TNNI3K: variants seen among roughly 807,000 people sequenced by gnomAD.
TNNI3K encodes the protein TNNI3 interacting kinase, also known as serine/threonine-protein kinase TNNI3K.
Under a neutral mutation model 114.5 loss-of-function variants are expected in TNNI3K, and 140 were observed. That is an observed-to-expected ratio of 1.22 (90% CI 1.07 to 1.41). The LOEUF is 1.41. Ranked by LOEUF, TNNI3K falls within the 40% of genes most tolerant of loss-of-function variation. The pLI is 0.00. For missense variants in TNNI3K, 1,125 were observed against 1,007.6 expected, an observed-to-expected ratio of 1.12 and a Z score of -1.58; for synonymous variants, 347 against 347.5, an observed-to-expected ratio of 1.00 and a Z score of 0.02.
chr1:74,317,575 G>A (rs960302739), intron 5 of TNNI3K, among the ~76,000 whole-genome samples: 1 of 152,190 alleles, frequency 6.6e-6, no homozygotes, highest in Non-Finnish European at 1.5e-5. Context: ...CAGGAACTGA[G>A]TTAGGGAATA....
At chr1:74,247,525 A>G (rs1403170882) in intron 2 of TNNI3K, among the ~76,000 whole-genome samples, 1 of 152,096 alleles carries the variant, frequency 6.6e-6, no homozygotes, top group African/African-American at 2.4e-5. Flanking sequence ...TTATTCCCTT[A>G]TTTGGCCCCA....
At chr1:74,279,103 C>G (rs936815730) in intron 5 of TNNI3K, among the ~76,000 whole-genome samples, 7 of 152,172 alleles carry the variant, frequency 4.6e-5, no homozygotes, top group African/African-American at 1.7e-4. Context: ...AACTACACTT[C>G]TAGTCACAAA....
chr1:74,370,531 G>A, intron 17 of TNNI3K, 139 bp downstream of exon 17: 1 of 577,860 alleles, frequency 1.7e-6, no homozygotes. Flanking sequence ...ATAAGCTTAG[G>A]CGATAGAAAG....
chr1:74,360,667 C>T (rs940677384), intron 11 of TNNI3K, among the ~76,000 whole-genome samples: 3 of 152,014 alleles, frequency 2.0e-5, no homozygotes, highest in African/African-American at 7.2e-5. Context: ...CCATGTCACC[C>T]CATTCTTTAA....
intron 20 of TNNI3K, among the ~76,000 whole-genome samples, chr1:74,440,002 G>A (rs1385277924): frequency 1.5e-4 from 23 of 151,986 alleles, no homozygotes. Context: ...GGATAAGAAA[G>A]TAGTAACACA....
At chr1:74,288,124 G>T (rs764699080) in intron 5 of TNNI3K, among the ~76,000 whole-genome samples, 1 of 151,846 alleles carries the variant, frequency 6.6e-6, no homozygotes, top group Non-Finnish European at 1.5e-5. Context: ...AAAGTGAAAC[G>T]GTACAGCAGT....
chr1:74,464,067 A>G (rs1029392199), intron 21 of TNNI3K, among the ~76,000 whole-genome samples: 2 of 152,242 alleles, frequency 1.3e-5, no homozygotes, highest in Non-Finnish European at 2.9e-5. Flanking sequence ...GATCAATGTT[A>G]TGGAAGGGAT....
intron 5 of TNNI3K, among the ~76,000 whole-genome samples, chr1:74,287,996 A>G (rs1025573199): frequency 6.6e-6 from 1 of 152,170 alleles, no homozygotes; most frequent in Non-Finnish European, 1.5e-5. Flanking sequence ...AATGCTTAAT[A>G]TCGTTAATTA....
chr1:74,501,404 G>A (rs188776583), intron 23 of TNNI3K, among the ~76,000 whole-genome samples: 1 of 152,166 alleles, frequency 6.6e-6, no homozygotes, highest in Admixed American at 6.5e-5. Context: ...TTCTTCAAAC[G>A]AATTTTATCT....
chr1:74,338,414 C>CT (rs1660588765), intron 7 of TNNI3K, among the ~76,000 whole-genome samples: 1 of 151,252 alleles, frequency 6.6e-6, no homozygotes, highest in South Asian at 2.1e-4. Flanking sequence ...CTTTTTTTCG[C>CT]TTTTCCTCAC....
rs143937265 is a variant in TNNI3K at position 74,419,857 on chromosome 1, C to T, written c.1773-16223C>T. Reference sequence around the variant, plus strand: ...CATTAAACACACATCTCTGGGATGACTATGATGTTCCAGGAATCATGTTAA... The same window carrying T: ...CATTAAACACACATCTCTGGGATGATTATGATGTTCCAGGAATCATGTTAA... On this transcript the variant is annotated intron_variant, in intron 17 of 24. Transcript: ENST00000326637. Among the ~76,000 whole-genome samples, 546 of 152,084 alleles carry T rather than the reference C, an allele frequency of 3.6e-3. 2 individuals carry two copies. The highest frequency in any genetic ancestry group is 0.012 in the African/African-American group (517 of 41,506).
At chr1:74,248,702 C>T (rs370269379) in intron 2 of TNNI3K, among the ~76,000 whole-genome samples, 42 of 152,240 alleles carry the variant, frequency 2.8e-4, no homozygotes, top group African/African-American at 9.4e-4. Context: ...TTCTCTCTGA[C>T]CTTCTCCTGT....
Position 74,402,807 on chromosome 1 carries a change from G to A in TNNI3K, c.1772+32415G>A, listed in dbSNP as rs1570577827. Among the ~76,000 whole-genome samples, 3 of 152,306 alleles carry A rather than the reference G, an allele frequency of 2.0e-5. No individual in the cohort carries two copies. The East Asian group carries it at 5.8e-4, about 29-fold the overall frequency. ...AGCCCACAGGCTACATGTGGCCCAG[G>A]ACAGCTTTGCTTTGAATGTGGCCTA... On this transcript the variant is annotated intron_variant, in intron 17 of 24. Transcript: ENST00000326637.
intron 5 of TNNI3K, among the ~76,000 whole-genome samples, chr1:74,305,037 G>A (rs755078155): frequency 1.3e-5 from 2 of 152,214 alleles, no homozygotes; most frequent in South Asian, 2.1e-4. Context: ...ATATGGTAAT[G>A]AGATATAATG....
chr1:74,398,467 A>G (rs946361446), intron 17 of TNNI3K, among the ~76,000 whole-genome samples: 2 of 152,202 alleles, frequency 1.3e-5, no homozygotes, highest in African/African-American at 4.8e-5. Context: ...ACGATAAACA[A>G]AAAGGTAGTT....
intron 23 of TNNI3K, among the ~76,000 whole-genome samples, chr1:74,529,253 C>G (rs1010607150): frequency 6.6e-6 from 1 of 152,064 alleles, no homozygotes; most frequent in Non-Finnish European, 1.5e-5. Context: ...ATTAACAACA[C>G]AATAATGGGA....
intron 5 of TNNI3K, among the ~76,000 whole-genome samples, chr1:74,280,821 G>A (rs1056429985): frequency 6.6e-6 from 1 of 152,046 alleles, no homozygotes; most frequent in African/African-American, 2.4e-5. Flanking sequence ...TGGGGTGCAC[G>A]TGACCCAGTG....
Position 74,457,670 on chromosome 1 carries a change from C to T in TNNI3K, c.2012-5771C>T, listed in dbSNP as rs1029949745. On this transcript the variant is annotated intron_variant, in intron 20 of 24. Transcript: ENST00000326637. ...AAAACTTACTAACAAAATATTGTAG[C>T]GTATTGCTCTCTTTTTAATCTTTTT... Among the ~76,000 whole-genome samples the T allele has an allele frequency of 3.9e-5, 6 of 152,086 alleles. No homozygotes were observed. In the East Asian group the frequency reaches 5.8e-4, roughly 15 times the overall value.
chr1:74,269,229 G>A (rs1553125461), intron 4 of TNNI3K, among the ~76,000 whole-genome samples: 1 of 151,818 alleles, frequency 6.6e-6, no homozygotes, highest in South Asian at 2.1e-4. Flanking sequence ...GGTACTTTAA[G>A]CTACTGTATA....
Sources: allele counts gnomAD v4.1 joint callset (sites outside exome capture counted in the v4.1 genomes callset), GRCh38; gene constraint gnomAD v4.1.1; transcripts MANE v1.5; gene names NCBI Gene and HGNC (gene_info 2026-07-23, HGNC 2026-07-21).